Variants in ASIC2 observed in about 807,000 individuals in gnomAD.
The protein encoded by ASIC2 is acid sensing ion channel subunit 2.
ASIC2 carries 25 observed loss-of-function variants against 57.3 expected under a neutral mutation model. That is an observed-to-expected ratio of 0.44 (90% CI 0.32 to 0.61). ASIC2 has a LOEUF of 0.61. Among genes scored for constraint, ASIC2 ranks in the 20% least tolerant of loss-of-function variants. The pLI, the probability that ASIC2 is intolerant of heterozygous loss-of-function variation, is 0.06. For synonymous variants in ASIC2, 319 were observed against 307.5 expected (o/e 1.04, Z -0.39); for missense variants, 641 against 738.1 (o/e 0.87, Z 1.52).
At chr17:33,973,049 G>A (rs1157948392) in intron 1 of ASIC2, among the ~76,000 whole-genome samples, 1 of 152,250 alleles carries the variant, frequency 6.6e-6, no homozygotes, top group East Asian at 1.9e-4. Context: ...CCCACAGTGA[G>A]GGAATCTCTA....
intron 1 of ASIC2, among the ~76,000 whole-genome samples, chr17:34,074,999 G>A (rs1220719304): frequency 1.3e-5 from 2 of 152,004 alleles, no homozygotes; most frequent in African/African-American, 4.8e-5. Flanking sequence ...TGGCCAAGCT[G>A]GTCTTGAACT....
At chr17:33,804,770 G>C (rs980387920) in intron 1 of ASIC2, among the ~76,000 whole-genome samples, 1 of 152,110 alleles carries the variant, frequency 6.6e-6, no homozygotes, top group Non-Finnish European at 1.5e-5. Context: ...CCTGGATTTG[G>C]GATCTTCTGT....
At chr17:34,150,186 G>A (rs950952532) in intron 1 of ASIC2, among the ~76,000 whole-genome samples, 1 of 152,156 alleles carries the variant, frequency 6.6e-6, no homozygotes, top group Non-Finnish European at 1.5e-5. Context: ...ATCTTAGAAA[G>A]TCAAACTCAT....
chr17:33,576,375 G>GGC (rs1916621553), intron 1 of ASIC2, among the ~76,000 whole-genome samples: 1 of 152,218 alleles, frequency 6.6e-6, no homozygotes, highest in African/African-American at 2.4e-5. Context: ...TTCAGGTATA[G>GGC]ATGTGACTAG....
At chr17:33,993,116 C>T (rs961393324) in intron 1 of ASIC2, among the ~76,000 whole-genome samples, 4 of 152,128 alleles carry the variant, frequency 2.6e-5, no homozygotes, top group African/African-American at 9.7e-5. Flanking sequence ...TAATCATGGC[C>T]ACCATAACAC....
chr17:34,093,472 G>A (rs959048949), intron 1 of ASIC2, among the ~76,000 whole-genome samples: 8 of 152,262 alleles, frequency 5.3e-5, no homozygotes, highest in South Asian at 4.1e-4. Context: ...GACTTGCCTC[G>A]GTTGTGCCAA....
At chr17:33,735,940 A>T (rs2142094157) in intron 1 of ASIC2, among the ~76,000 whole-genome samples, 1 of 152,186 alleles carries the variant, frequency 6.6e-6, no homozygotes, top group East Asian at 1.9e-4. Context: ...TGAATGAATG[A>T]GTGAGTGAAT....
chr17:33,892,221 G>A (rs937652272), intron 1 of ASIC2, among the ~76,000 whole-genome samples: 1 of 152,184 alleles, frequency 6.6e-6, no homozygotes, highest in African/African-American at 2.4e-5. Context: ...ACAGAATGGT[G>A]AGATCTGTAA....
chr17:33,141,111 C>T (rs944548949), intron 1 of ASIC2, among the ~76,000 whole-genome samples: 5 of 152,220 alleles, frequency 3.3e-5, no homozygotes, highest in African/African-American at 4.8e-5. Context: ...CTGTGTCTCT[C>T]GCATCAGAGA....
chr17:33,194,894 C>T (rs1457607078), intron 1 of ASIC2, among the ~76,000 whole-genome samples: 5 of 152,294 alleles, frequency 3.3e-5, no homozygotes, highest in Non-Finnish European at 7.3e-5. Flanking sequence ...CAAAGCCTAT[C>T]GCAATAGGCA....
intron 1 of ASIC2, among the ~76,000 whole-genome samples, chr17:33,942,170 C>A (rs114611229): frequency 6.6e-6 from 1 of 152,026 alleles, no homozygotes; most frequent in African/African-American, 2.4e-5. Flanking sequence ...ACCAAAGTTG[C>A]GAGGAGTAAC....
At chr17:34,104,544 G>A (rs1248943105) in intron 1 of ASIC2, among the ~76,000 whole-genome samples, 1 of 151,860 alleles carries the variant, frequency 6.6e-6, no homozygotes, top group Admixed American at 6.6e-5. Context: ...TCTGATCTTA[G>A]GGGAAAAGCA....
intron 1 of ASIC2, among the ~76,000 whole-genome samples, chr17:33,795,966 G>A (rs1027270793): frequency 1.3e-5 from 2 of 152,292 alleles, no homozygotes; most frequent in East Asian, 3.9e-4. Context: ...GTTGAATCTG[G>A]GAGAATTCCA....
intron 1 of ASIC2, among the ~76,000 whole-genome samples, chr17:33,964,010 G>C (rs897068588): frequency 1.3e-5 from 2 of 152,132 alleles, no homozygotes; most frequent in Admixed American, 1.3e-4. Flanking sequence ...ATAGAACTGT[G>C]GGATGCACTC....
chr17:33,512,849 G>A (rs1264653319), intron 1 of ASIC2, among the ~76,000 whole-genome samples: 1 of 152,220 alleles, frequency 6.6e-6, no homozygotes, highest in Non-Finnish European at 1.5e-5. Context: ...CTTCTGAGGA[G>A]TTTTGGCCAT....
Position 33,850,666 on chromosome 17 carries a change from T to C in ASIC2, c.555+305312A>G, listed in dbSNP as rs570049304. ...TGAGAGCACACATATAATAGAGTCA[T>C]ATTTTCTGCAGGTAAAATCGTTGCT... is the stretch of plus-strand genomic sequence containing the variant. On this transcript the variant is annotated intron_variant, in intron 1 of 9. Coordinates refer to the ASIC2 transcript ENST00000359872. Among the ~76,000 whole-genome samples the C allele has an allele frequency of 7.2e-5, 11 of 152,306 alleles. No individual in the cohort carries two copies. The South Asian group carries it at 1.4e-3, about 20-fold the overall frequency.
intron 1 of ASIC2, among the ~76,000 whole-genome samples, chr17:33,997,950 A>G (rs1906213924): frequency 6.6e-6 from 1 of 152,192 alleles, no homozygotes. Context: ...AAGAATTGGC[A>G]TTATTTTTTA....
Position 33,042,140 on chromosome 17 carries a change from A to G in ASIC2, c.988-13748T>C, listed in dbSNP as rs182218400. On this transcript the variant is annotated intron_variant, in intron 3 of 9. Transcript: ENST00000225823. ...TGTGCTCCTTTTAAACAATTTGGAA[A>G]TCAAATCACATACTAAAATCAAATC... Among the ~76,000 whole-genome samples, 1,103 of 152,338 alleles carry G rather than the reference A, an allele frequency of 7.2e-3. 61 individuals carry two copies. Among genetic ancestry groups the G allele is most frequent in the Admixed American group, 0.069 (1,048 of 15,296 alleles).
intron 1 of ASIC2, among the ~76,000 whole-genome samples, chr17:33,925,676 A>C (rs1915807875): frequency 1.3e-5 from 2 of 152,184 alleles, no homozygotes; most frequent in East Asian, 3.8e-4. Context: ...CTCTGCTTCC[A>C]TGGCCCAGGT....
Sources: allele counts gnomAD v4.1 joint callset (sites outside exome capture counted in the v4.1 genomes callset), GRCh38; gene constraint gnomAD v4.1.1; transcripts MANE v1.5; gene names NCBI Gene and HGNC (gene_info 2026-07-23, HGNC 2026-07-21).